Variants in ARHGAP24 observed in about 807,000 individuals in gnomAD.
ARHGAP24 encodes the protein Rho GTPase activating protein 24, also known as rho GTPase-activating protein 24.
A neutral mutation model predicts 76.4 loss-of-function variants in ARHGAP24; 50 were observed. The ratio of observed to expected loss-of-function variants is 0.65; its 90% CI spans 0.52 to 0.83. ARHGAP24 has a LOEUF of 0.83. Among genes scored for constraint, ARHGAP24 ranks in the 40% least tolerant of loss-of-function variants. ARHGAP24 has a pLI of 0.00. For synonymous variants in ARHGAP24, 345 were observed against 323.3 expected (o/e 1.07, Z -0.72); for missense variants, 930 against 914.2 (o/e 1.02, Z -0.22).
At chr4:85,990,640 T>C (rs1477395420) in intron 8 of ARHGAP24, 1 of 151,918 alleles carries the variant, frequency 6.6e-6, no homozygotes, top group Non-Finnish European at 1.5e-5. Flanking sequence ...ATTTGATTTT[T>C]GACCAATGTA....
At chr4:85,733,701 C>T (rs747020608) in intron 3 of ARHGAP24, among the ~76,000 whole-genome samples, 1 of 152,164 alleles carries the variant, frequency 6.6e-6, no homozygotes, top group Non-Finnish European at 1.5e-5. Flanking sequence ...CTTGGTTCAT[C>T]TCCTTCTCCC....
intron 4 of ARHGAP24, chr4:85,924,585 A>T (rs1424795051): frequency 6.6e-6 from 1 of 152,140 alleles, no homozygotes; most frequent in African/African-American, 2.4e-5. Context: ...AAACAATTAC[A>T]ATCCTTATAT....
At chr4:85,820,899 A>C (rs1390921923) in intron 3 of ARHGAP24, among the ~76,000 whole-genome samples, 1 of 152,142 alleles carries the variant, frequency 6.6e-6, no homozygotes, top group Non-Finnish European at 1.5e-5. Flanking sequence ...TTTCAAATAG[A>C]GAAATGTATA....
chr4:85,933,733 T>C (rs2148819036), intron 4 of ARHGAP24, among the ~76,000 whole-genome samples: 1 of 152,330 alleles, frequency 6.6e-6, no homozygotes, highest in East Asian at 1.9e-4. Flanking sequence ...CTTGATTACC[T>C]GGGAATGCAT....
chr4:85,989,358 A>G (rs1048224134), intron 8 of ARHGAP24, among the ~76,000 whole-genome samples: 11 of 151,628 alleles, frequency 7.3e-5, no homozygotes, highest in African/African-American at 2.7e-4. Flanking sequence ...GAAAGAAAGA[A>G]ACTGAGACTA....
At chr4:85,703,757 G>A (rs1447286685) in intron 2 of ARHGAP24, among the ~76,000 whole-genome samples, 3 of 152,048 alleles carry the variant, frequency 2.0e-5, no homozygotes, top group African/African-American at 7.2e-5. Flanking sequence ...GGCTGTTATA[G>A]CAGCCCAAAC....
chr4:85,949,937 A>C lies in ARHGAP24; in HGVS notation c.599+7664A>C, dbSNP rs193219042. The stretch of plus-strand genomic sequence containing the variant: ...TCTTCTGGGGTTTGCCTTACAAGTC[A>C]TGGGCAGATAAACAATAAACAGCAA... On this transcript the variant is annotated intron_variant, in intron 5 of 9. Transcript: ENST00000395184. 4.1e-4 allele frequency among the ~76,000 whole-genome samples: 62 copies of C among 152,336 alleles called. 1 individual carries two copies. The highest frequency in any genetic ancestry group is 1.5e-3 in the African/African-American group (62 of 41,590).
At chr4:85,988,011 G>A (rs1249335042) in intron 8 of ARHGAP24, among the ~76,000 whole-genome samples, 1 of 151,702 alleles carries the variant, frequency 6.6e-6, no homozygotes, top group Non-Finnish European at 1.5e-5. Context: ...AAAAGAAGTG[G>A]ATCAAAACCT....
intron 2 of ARHGAP24, among the ~76,000 whole-genome samples, chr4:85,645,072 G>T (rs952598781): frequency 6.6e-6 from 1 of 151,924 alleles, no homozygotes; most frequent in East Asian, 1.9e-4. Context: ...ATTTTCTCTC[G>T]GATAAATTCT....
At position 85,725,174 on chromosome 4, in the gene ARHGAP24, G is replaced by C. The variant is rs6854628; in HGVS notation, c.268+3202G>C. Among the ~76,000 whole-genome samples, 746 of 152,206 alleles carry C rather than the reference G, an allele frequency of 4.9e-3. 6 individuals carry two copies. The highest frequency in any genetic ancestry group is 0.017 in the African/African-American group (698 of 41,540). Reference sequence around the variant, plus strand: ...AATAAAATGACAAAGAAACAGACAAGAAATAGGCAAAACAAGACAAAGGAG... The same window carrying C: ...AATAAAATGACAAAGAAACAGACAACAAATAGGCAAAACAAGACAAAGGAG... On this transcript the variant is annotated intron_variant, in intron 3 of 9. Transcript: ENST00000395184.
intron 2 of ARHGAP24, among the ~76,000 whole-genome samples, chr4:85,622,938 G>C (rs1363834038): frequency 6.6e-6 from 1 of 151,880 alleles, no homozygotes; most frequent in Non-Finnish European, 1.5e-5. Context: ...ACTTTTTGAT[G>C]GGGTTGTTTG....
At chr4:85,668,916 T>G (rs1227455197) in intron 2 of ARHGAP24, among the ~76,000 whole-genome samples, 2 of 152,140 alleles carry the variant, frequency 1.3e-5, no homozygotes, top group Non-Finnish European at 2.9e-5. Flanking sequence ...ACAAACCTGG[T>G]GAAGTAACTA....
intron 2 of ARHGAP24, among the ~76,000 whole-genome samples, chr4:85,675,914 CCT>C: frequency 6.6e-6 from 1 of 152,028 alleles, no homozygotes. Context: ...TGACTCCTGC[CCT>C]GGACCTCAGC....
chr4:85,827,845 C>A, intron 3 of ARHGAP24: 1 of 1,188,702 alleles, frequency 8.4e-7, no homozygotes, highest in Non-Finnish European at 1.1e-6. Context: ...CTGCAGTGAG[C>A]AAACACAGTA....
intron 3 of ARHGAP24, among the ~76,000 whole-genome samples, chr4:85,799,833 C>A (rs1448150453): frequency 6.6e-6 from 1 of 152,094 alleles, no homozygotes. Context: ...GAGGTCACAT[C>A]CTCTCTGTGT....
intron 3 of ARHGAP24, among the ~76,000 whole-genome samples, chr4:85,749,527 A>G (rs1726177817): frequency 6.6e-6 from 1 of 152,152 alleles, no homozygotes; most frequent in African/African-American, 2.4e-5. Flanking sequence ...TTATTGTTTG[A>G]AAACTACAAC....
chr4:85,963,586 T>C (rs1437545178), intron 5 of ARHGAP24, among the ~76,000 whole-genome samples: 1 of 152,088 alleles, frequency 6.6e-6, no homozygotes, highest in Non-Finnish European at 1.5e-5. Flanking sequence ...TAACCTTTCT[T>C]TTTTGGTTAA....
At chr4:85,927,735 G>A (rs1466754512) in intron 4 of ARHGAP24, among the ~76,000 whole-genome samples, 1 of 152,126 alleles carries the variant, frequency 6.6e-6, no homozygotes, top group African/African-American at 2.4e-5. Flanking sequence ...TTACAAAGAG[G>A]GCATTTCATT....
Position 85,570,631 on chromosome 4 carries a change from A to C in ARHGAP24, c.90A>C (p.Gly30=). Residue 30 remains glycine, a synonymous_variant, in exon 2 of 10, where the codon GGA becomes GGC. Transcript: ENST00000395184. ...AIKCGWLRKQ[G]GFVKTWHTRW... ...AGTGTGGGTGGCTGAGGAAGCAAGG[A>C]GGCTTTGTCAAGACTTGGCATACTC... The C allele has an allele frequency of 1.9e-6, 3 of 1,614,112 alleles. No individual in the cohort carries two copies. Among genetic ancestry groups the C allele is most frequent in the Non-Finnish European group, 2.5e-6 (3 of 1,179,998 alleles).
Sources: gnomAD v4.1 joint callset for allele counts (sites outside exome capture counted in the v4.1 genomes callset) on GRCh38, gnomAD v4.1.1 for gene constraint, MANE v1.5 for transcripts, NCBI Gene and HGNC (gene_info 2026-07-23, HGNC 2026-07-21) for gene names.